Variants in OPCML observed in about 807,000 individuals in gnomAD.
OPCML encodes opioid-binding protein/cell adhesion molecule.
A neutral mutation model predicts 37.8 loss-of-function variants in OPCML; 13 were observed. The ratio of observed to expected loss-of-function variants is 0.34; its 90% CI spans 0.22 to 0.55. The LOEUF is 0.55. Ranked by LOEUF, OPCML falls within the 20% of genes least tolerant of loss-of-function variation. OPCML has a pLI of 0.91. For synonymous variants in OPCML, 176 were observed against 168.8 expected, an observed-to-expected ratio of 1.04 and a Z score of -0.33; for missense variants, 341 against 435.6, an observed-to-expected ratio of 0.78 and a Z score of 1.93.
At chr11:132,838,086 C>T (rs115147004) in intron 2 of OPCML, among the ~76,000 whole-genome samples, 8,133 of 152,250 alleles carry the variant, frequency 0.053, 255 homozygotes, top group Middle Eastern at 0.085. Flanking sequence ...GAGAGGAAGA[C>T]ACTTGTCCAT....
intron 1 of OPCML, among the ~76,000 whole-genome samples, chr11:133,403,445 C>T (rs1023675475): frequency 5.3e-5 from 8 of 152,160 alleles, no homozygotes; most frequent in Admixed American, 3.3e-4. Context: ...CATACCATAC[C>T]TTGATTTGTT....
At chr11:133,477,765 G>A (rs773585418) in intron 1 of OPCML, among the ~76,000 whole-genome samples, 4 of 152,144 alleles carry the variant, frequency 2.6e-5, no homozygotes, top group East Asian at 3.9e-4. Flanking sequence ...AATCTCCTGG[G>A]GAGAACATTT....
chr11:133,239,054 C>T (rs1225985060), intron 1 of OPCML, among the ~76,000 whole-genome samples: 2 of 152,198 alleles, frequency 1.3e-5, no homozygotes, highest in African/African-American at 4.8e-5. Context: ...TCTCCTTCAT[C>T]CCAGCCAGGT....
At chr11:133,427,578 A>G (rs960539694) in intron 1 of OPCML, among the ~76,000 whole-genome samples, 1 of 152,184 alleles carries the variant, frequency 6.6e-6, no homozygotes, top group Non-Finnish European at 1.5e-5. Flanking sequence ...AAAAATGAGC[A>G]GAACTGGAAT....
intron 3 of OPCML, among the ~76,000 whole-genome samples, chr11:132,632,211 A>G (rs2135696140): frequency 7.0e-6 from 1 of 143,434 alleles, no homozygotes. Context: ...TAGGCCCCTG[A>G]GGGTGCCTCA....
chr11:133,107,485 A>G (rs889719227), intron 1 of OPCML, among the ~76,000 whole-genome samples: 1 of 152,170 alleles, frequency 6.6e-6, no homozygotes, highest in African/African-American at 2.4e-5. Flanking sequence ...CTCATCATCA[A>G]TGAATATTTC....
intron 1 of OPCML, among the ~76,000 whole-genome samples, chr11:133,105,955 C>T (rs1284247481): frequency 6.6e-6 from 1 of 151,580 alleles, no homozygotes; most frequent in Non-Finnish European, 1.5e-5. Context: ...GCACTCCAGC[C>T]TGGGCGACAG....
chr11:133,079,918 C>T (rs1476704014), intron 1 of OPCML, among the ~76,000 whole-genome samples: 1 of 152,208 alleles, frequency 6.6e-6, no homozygotes, highest in East Asian at 1.9e-4. Flanking sequence ...GCATCACTCT[C>T]CCTTTTCACA....
chr11:132,970,895 A>G (rs1946327377), intron 1 of OPCML, among the ~76,000 whole-genome samples: 1 of 152,204 alleles, frequency 6.6e-6, no homozygotes, highest in Non-Finnish European at 1.5e-5. Context: ...TTTGGCAATT[A>G]GAAATTCCCT....
rs57243826 is a variant in OPCML, at chr11:132,662,412, C to CAA, written c.147-5095_147-5094dup. ...TTTTTATATTTTGTCTTTGAAAATG[C>CAA]AAAAAAAAAAAAAAAAAGTGCCAAG... On this transcript the variant is annotated intron_variant, in intron 2 of 7. Transcript: ENST00000524381. 7.2e-3 allele frequency among the ~76,000 whole-genome samples: 862 copies of CAA among 119,894 alleles called. 10 individuals are homozygous for CAA. Among genetic ancestry groups the CAA allele is most frequent in the African/African-American group, 0.019 (664 of 34,088 alleles). The allele number at this position is 119,894 out of a possible 152,430, so 78.7% of individuals were successfully genotyped here.
intron 1 of OPCML, among the ~76,000 whole-genome samples, chr11:133,331,873 T>TA (rs1396844727): frequency 6.6e-6 from 1 of 152,064 alleles, no homozygotes; most frequent in African/African-American, 2.4e-5. Context: ...CTTTTTCCAT[T>TA]AAAAAAATTT....
chr11:132,887,694 A>G (rs1943476380), intron 2 of OPCML, among the ~76,000 whole-genome samples: 1 of 152,200 alleles, frequency 6.6e-6, no homozygotes, highest in Non-Finnish European at 1.5e-5. Context: ...AGAGCAAGGG[A>G]TTGAAATATG....
At chr11:133,420,489 T>A (rs1007234292) in intron 1 of OPCML, 3 of 984,998 alleles carry the variant, frequency 3.0e-6, no homozygotes, top group East Asian at 1.1e-4. Context: ...TTAGGACTTT[T>A]ATTTTTTTTC....
rs898028643 is a variant in OPCML, at chr11:133,414,044, A to G, written c.61+118220T>C. Among the ~76,000 whole-genome samples the G allele has an allele frequency of 4.6e-5, 7 of 152,154 alleles. No individual in the cohort carries two copies. In the East Asian group the frequency reaches 9.7e-4, roughly 21 times the overall value. ...TGTGTGCTTAGAGCCAGGCAGGTTTAAGACAGAAGAAATACAAGCGTTTAC... is the reference window on the plus strand; with the variant it reads ...TGTGTGCTTAGAGCCAGGCAGGTTTGAGACAGAAGAAATACAAGCGTTTAC... On this transcript the variant is annotated intron_variant, in intron 1 of 7. Transcript: ENST00000524381.
chr11:133,006,093 G>T, intron 1 of OPCML: 1 of 985,392 alleles, frequency 1.0e-6, no homozygotes, highest in Non-Finnish European at 1.2e-6. Flanking sequence ...TGAGACCAGG[G>T]TTTCTGGCAT....
At chr11:132,491,924 ATTT>A (rs780995319) in intron 4 of OPCML, among the ~76,000 whole-genome samples, 28 of 133,192 alleles carry the variant, frequency 2.1e-4, no homozygotes, top group Admixed American at 3.1e-4. Flanking sequence ...GACATACCTA[ATTT>A]TTTTTTTTTT....
intron 3 of OPCML, among the ~76,000 whole-genome samples, chr11:132,625,190 G>GT (rs1004253216): frequency 7.9e-5 from 12 of 151,988 alleles, no homozygotes; most frequent in African/African-American, 2.4e-4. Flanking sequence ...ATTGTTTTTT[G>GT]TTTTTTTCTC....
intron 1 of OPCML, among the ~76,000 whole-genome samples, chr11:133,529,039 C>T (rs1948547938): frequency 1.3e-5 from 2 of 152,198 alleles, no homozygotes; most frequent in Admixed American, 6.5e-5. Flanking sequence ...TGCCCTTACT[C>T]CACCCTGCCC....
intron 3 of OPCML, among the ~76,000 whole-genome samples, chr11:132,639,621 C>G (rs756247045): frequency 6.6e-6 from 1 of 152,190 alleles, no homozygotes; most frequent in African/African-American, 2.4e-5. Flanking sequence ...TGCAGGCCGA[C>G]TAAATGTAAA....
Sources: gnomAD v4.1 joint callset for allele counts (sites outside exome capture counted in the v4.1 genomes callset) on GRCh38, gnomAD v4.1.1 for gene constraint, MANE v1.5 for transcripts, NCBI Gene and HGNC (gene_info 2026-07-23, HGNC 2026-07-21) for gene names.